Variants in KCNT2 observed in about 807,000 individuals in gnomAD.
KCNT2 encodes the protein potassium channel subfamily T member 2.
In KCNT2, 67 loss-of-function variants were observed where a neutral mutation model predicts 153.8. The ratio of observed to expected loss-of-function variants is 0.44; its 90% confidence interval spans 0.36 to 0.53. KCNT2 has a LOEUF of 0.53. KCNT2 is among the 20% of genes least tolerant of loss of function. The pLI is 0.00. For missense variants in KCNT2, 975 were observed against 1,354.8 expected (o/e 0.72, Z 4.40); for synonymous variants, 500 against 458.8 (o/e 1.09, Z -1.15).
At chr1:196,264,033 T>C (rs1657283102) in intron 25 of KCNT2, among the ~76,000 whole-genome samples, 1 of 152,178 alleles carries the variant, frequency 6.6e-6, no homozygotes, top group Non-Finnish European at 1.5e-5. Flanking sequence ...TTTATTATCT[T>C]GGCATTCTTT....
chr1:196,470,255 G>A (rs1198643231), intron 5 of KCNT2, among the ~76,000 whole-genome samples: 1 of 152,124 alleles, frequency 6.6e-6, no homozygotes. Flanking sequence ...ACTTAACTTG[G>A]CTCCAACATG....
chr1:196,527,101 C>A (rs1654329850), intron 1 of KCNT2, among the ~76,000 whole-genome samples: 1 of 152,130 alleles, frequency 6.6e-6, no homozygotes. Context: ...CAGTTTCATG[C>A]CAAAACTGTG....
chr1:196,350,780 T>C (rs1233381432), intron 14 of KCNT2, among the ~76,000 whole-genome samples: 2 of 152,206 alleles, frequency 1.3e-5, no homozygotes, highest in African/African-American at 2.4e-5. Flanking sequence ...TCCTTGCCCA[T>C]GCCTATGTCC....
chr1:196,584,600 G>A lies in KCNT2; in HGVS notation c.95+23615C>T, dbSNP rs189076221. Among the ~76,000 whole-genome samples, 371 of 152,212 alleles carry A rather than the reference G, an allele frequency of 2.4e-3. 2 individuals carry two copies. The highest frequency in any genetic ancestry group is 8.2e-3 in the African/African-American group (341 of 41,544). On this transcript the variant is annotated intron_variant, in intron 1 of 27. Coordinates refer to ENST00000294725, the MANE Select transcript of KCNT2 (RefSeq NM_198503.5). ...ACAGAGTATGAGGATGAGACAGAAA[G>A]AGTACAGATGAATGAACATATTTTC...
At chr1:196,423,137 A>G in intron 11 of KCNT2, 24 bp from the exon 12 acceptor site, 5 of 1,474,510 alleles carry the variant, frequency 3.4e-6, no homozygotes, top group Non-Finnish European at 4.7e-6. Context: ...GAAAAACAAA[A>G]TAATCACACA....
intron 5 of KCNT2, among the ~76,000 whole-genome samples, chr1:196,472,973 T>C (rs1678225928): frequency 6.6e-6 from 1 of 152,142 alleles, no homozygotes; most frequent in South Asian, 2.1e-4. Flanking sequence ...AAGACAAAAA[T>C]GTGATTATAT....
intron 12 of KCNT2, among the ~76,000 whole-genome samples, chr1:196,408,654 G>A (rs763435677): frequency 1.3e-5 from 2 of 151,340 alleles, no homozygotes; most frequent in Non-Finnish European, 3.0e-5. Context: ...GGTTACTTAT[G>A]GATGTTTTGT....
chr1:196,604,435 A>G (rs1665092384), intron 1 of KCNT2, among the ~76,000 whole-genome samples: 1 of 152,200 alleles, frequency 6.6e-6, no homozygotes, highest in African/African-American at 2.4e-5. Context: ...CTTGAATTAG[A>G]TTTTTGTTTT....
intron 16 of KCNT2, among the ~76,000 whole-genome samples, chr1:196,338,138 A>C (rs1316064313): frequency 6.6e-6 from 1 of 152,126 alleles, no homozygotes; most frequent in East Asian, 1.9e-4. Context: ...AAACCATGGA[A>C]TAGTGTTTGG....
chr1:196,239,327 T>C, intron 26 of KCNT2, among the ~76,000 whole-genome samples: 1 of 151,810 alleles, frequency 6.6e-6, no homozygotes, highest in South Asian at 2.1e-4. Context: ...AAATTACTCA[T>C]AAAAACTGAA....
At chr1:196,561,891 T>C (rs1186242668) in intron 1 of KCNT2, among the ~76,000 whole-genome samples, 2 of 151,744 alleles carry the variant, frequency 1.3e-5, no homozygotes, top group East Asian at 3.9e-4. Flanking sequence ...CTCCAGGTCA[T>C]AGAGGGATTA....
At chr1:196,388,062 G>C (rs1285326908) in intron 13 of KCNT2, among the ~76,000 whole-genome samples, 1 of 151,142 alleles carries the variant, frequency 6.6e-6, no homozygotes, top group African/African-American at 2.4e-5. Context: ...TTACATTTAA[G>C]AGTATAATTT....
chr1:196,483,699 C>T (rs558645596), intron 3 of KCNT2, among the ~76,000 whole-genome samples: 14 of 152,204 alleles, frequency 9.2e-5, no homozygotes, highest in East Asian at 1.9e-4. Flanking sequence ...TCCCTTGGGC[C>T]ACGTCACCCA....
chr1:196,393,058 A>G (rs1670620440), intron 13 of KCNT2, among the ~76,000 whole-genome samples: 1 of 151,484 alleles, frequency 6.6e-6, no homozygotes, highest in African/African-American at 2.4e-5. Context: ...AACAAATTAC[A>G]ATCAAATTCT....
At chr1:196,516,133 G>A (rs965554911) in intron 1 of KCNT2, among the ~76,000 whole-genome samples, 22 of 152,270 alleles carry the variant, frequency 1.4e-4, no homozygotes, top group African/African-American at 4.6e-4. Context: ...TGGTCTGCAG[G>A]CCCTGCTTTC....
At chr1:196,406,840 A>T (rs529659021) in intron 12 of KCNT2, among the ~76,000 whole-genome samples, 2 of 151,210 alleles carry the variant, frequency 1.3e-5, no homozygotes, top group East Asian at 3.9e-4. Flanking sequence ...AAAATTTACC[A>T]CTCCTTACAG....
At position 196,315,954 on chromosome 1, in the gene KCNT2, CA is replaced by C; in HGVS notation, c.2420del (p.Met807ArgfsTer15). On this transcript the variant is annotated frameshift_variant, in exon 21 of 28. Transcript: ENST00000294725. LOFTEE classifies it high-confidence loss of function. ...NMVVVDKEST[M>X]SAEEDYMADA... Reference sequence around the variant, plus strand: ...CTGCCATGTAGTCTTCCTCGGCACTCATGGTGCTCTCTTTATCCACAACCAC... The same window carrying C: ...CTGCCATGTAGTCTTCCTCGGCACTCTGGTGCTCTCTTTATCCACAACCAC... 6.2e-7 allele frequency: 1 copy of C among 1,610,340 alleles called. No individual in the cohort carries two copies. The highest frequency in any genetic ancestry group is 1.3e-5 in the African/African-American group (1 of 74,772).
rs533230418 is a variant in KCNT2, at chr1:196,334,487, C to CTT, written c.1784-429_1784-428dup. On this transcript the variant is annotated intron_variant, in intron 16 of 27. Transcript: ENST00000294725. ...TTTTCTTTTATTTCTTTCTTTCTTT[C>CTT]TTTTTTTTTTTTAAGACAGAGTCTC... is the stretch of plus-strand genomic sequence containing the variant. Among the ~76,000 whole-genome samples the CTT allele has an allele frequency of 5.7e-4, 50 of 87,288 alleles. 5 individuals are homozygous for CTT. Among genetic ancestry groups the CTT allele is most frequent in the African/African-American group, 7.0e-4 (16 of 22,942 alleles). The allele number at this position is 87,288 out of a possible 152,430, so 57.3% of individuals were successfully genotyped here. A position where few individuals can be genotyped will look rare whatever the true frequency, so the allele number is the denominator to read the frequency against.
intron 13 of KCNT2, among the ~76,000 whole-genome samples, chr1:196,394,206 C>G (rs1460582814): frequency 6.6e-6 from 1 of 151,582 alleles, no homozygotes; most frequent in Non-Finnish European, 1.5e-5. Context: ...GGAGCCGCCT[C>G]CTGTGATACA....
Sources: allele counts gnomAD v4.1 joint callset (sites outside exome capture counted in the v4.1 genomes callset), GRCh38; gene constraint gnomAD v4.1.1; transcripts MANE v1.5; gene names NCBI Gene and HGNC (gene_info 2026-07-23, HGNC 2026-07-21).